The following MYO16 variants were observed in gnomAD, a reference collection of about 807,000 sequenced individuals.
MYO16 encodes unconventional myosin-XVI.
A neutral mutation model predicts 205.3 loss-of-function variants in MYO16; 94 were observed. The ratio of observed to expected loss-of-function variants is 0.46; its 90% CI spans 0.39 to 0.54. The LOEUF is 0.54. MYO16 is among the 20% of genes least tolerant of loss of function. MYO16 has a pLI of 0.00. For synonymous variants in MYO16, 988 were observed against 954.0 expected, an observed-to-expected ratio of 1.04 and a Z score of -0.66; for missense variants, 2,315 against 2,387.5, an observed-to-expected ratio of 0.97 and a Z score of 0.63.
At chr13:108,674,566 A>G (rs1231047513) in intron 2 of MYO16, among the ~76,000 whole-genome samples, 1 of 152,190 alleles carries the variant, frequency 6.6e-6, no homozygotes, top group Non-Finnish European at 1.5e-5. Flanking sequence ...TGAAAATGCG[A>G]TGCTCTATAA....
In MYO16 at chr13:109,197,436, T is replaced by C. The variant is rs547896397; in HGVS notation, c.5416-9173T>C. On this transcript the variant is annotated intron_variant, in intron 34 of 34. Coordinates refer to ENST00000457511, the MANE Select transcript of MYO16 (RefSeq NM_001198950.3). Reference sequence around the variant, plus strand: ...TTAAATGGACCCACACATTTAATACTGTGTGATAATGTTTCTCCCTTCTCT... The same window carrying C: ...TTAAATGGACCCACACATTTAATACCGTGTGATAATGTTTCTCCCTTCTCT... Among the ~76,000 whole-genome samples the C allele has an allele frequency of 2.2e-4, 34 of 152,276 alleles. No homozygotes were observed. In the South Asian group the frequency reaches 7.1e-3, roughly 32 times the overall value.
chr13:108,714,693 A>G (rs1053540503), intron 3 of MYO16, among the ~76,000 whole-genome samples: 1 of 152,088 alleles, frequency 6.6e-6, no homozygotes, highest in Non-Finnish European at 1.5e-5. Context: ...AATTAGTTGT[A>G]AAGACCACCA....
chr13:109,148,039 C>A (rs1877436227), intron 32 of MYO16, among the ~76,000 whole-genome samples: 1 of 151,964 alleles, frequency 6.6e-6, no homozygotes, highest in Non-Finnish European at 1.5e-5. Context: ...TTTCTAATTT[C>A]TTTGCCTCTC....
chr13:108,739,288 C>T (rs1884817989), intron 4 of MYO16, among the ~76,000 whole-genome samples: 1 of 152,078 alleles, frequency 6.6e-6, no homozygotes, highest in Admixed American at 6.5e-5. Context: ...TTGTTCCTTT[C>T]CATGTTTAGT....
chr13:109,116,983 A>G (rs1335944816), intron 28 of MYO16, among the ~76,000 whole-genome samples: 3 of 152,176 alleles, frequency 2.0e-5, no homozygotes, highest in East Asian at 1.9e-4. Context: ...ATAAGTTACA[A>G]TGGGCTTCTG....
chr13:108,736,684 T>G (rs1397000207), intron 4 of MYO16, among the ~76,000 whole-genome samples: 1 of 152,086 alleles, frequency 6.6e-6, no homozygotes. Context: ...CTGAAGAGAG[T>G]CATTGGTAGC....
chr13:108,719,607 C>T (rs898606072), intron 3 of MYO16, among the ~76,000 whole-genome samples: 1 of 152,140 alleles, frequency 6.6e-6, no homozygotes, highest in South Asian at 2.1e-4. Context: ...ATAGTAGTTC[C>T]TCAGTGAATA....
At chr13:108,959,721 C>T (rs1374427956) in intron 17 of MYO16, among the ~76,000 whole-genome samples, 1 of 152,184 alleles carries the variant, frequency 6.6e-6, no homozygotes, top group East Asian at 1.9e-4. Context: ...GCCTCCAGCT[C>T]TCCCGTCTAG....
At chr13:108,822,151 T>C (rs1232390347) in intron 8 of MYO16, among the ~76,000 whole-genome samples, 1 of 152,202 alleles carries the variant, frequency 6.6e-6, no homozygotes, top group Non-Finnish European at 1.5e-5. Context: ...TGTTATTTTA[T>C]GTTTCTTGAA....
chr13:108,731,714 A>G (rs1884528362), intron 4 of MYO16, among the ~76,000 whole-genome samples: 1 of 152,190 alleles, frequency 6.6e-6, no homozygotes, highest in South Asian at 2.1e-4. Flanking sequence ...CTACTAACCA[A>G]TCATCATCTT....
rs757339986 is a variant in MYO16, at chr13:109,127,518, G to A, written c.4019G>A (p.Cys1340Tyr). The stretch of plus-strand genomic sequence containing the variant: ...GCTTCCTATGAGGCTGTGAGCGCCT[G>A]CCTCTCCGCGGCCAGGGAAGCGGCC... ...LSASYEAVSACLSAAREAANE... is the reference protein window; with the variant it reads ...LSASYEAVSAYLSAAREAANE... The change falls in exon 31 of 35, where the codon TGC (cysteine) becomes TAC (tyrosine). Residue 1340 changes from cysteine to tyrosine, a missense_variant. This residue lies in a region of MYO16 where 1,097 missense variants were observed against 1,092.0 expected (regional missense o/e 1.00). Coordinates refer to ENST00000457511, the MANE Select transcript of MYO16 (RefSeq NM_001198950.3). The surrounding 1 kb of genome is among the most constrained non-coding windows in gnomAD (Gnocchi z 4.2). 1.9e-6 allele frequency: 3 copies of A among 1,612,360 alleles called. No homozygotes were observed. The highest frequency in any genetic ancestry group is 3.3e-5 in the Admixed American group (2 of 60,010).
chr13:108,990,287 T>A (rs536600457), intron 20 of MYO16, among the ~76,000 whole-genome samples: 1 of 152,062 alleles, frequency 6.6e-6, no homozygotes, highest in Non-Finnish European at 1.5e-5. Flanking sequence ...GAGGGCAGGA[T>A]GGAGAGGAGG....
At chr13:108,619,426 G>C (rs955833031) in intron 1 of MYO16, among the ~76,000 whole-genome samples, 2 of 152,082 alleles carry the variant, frequency 1.3e-5, no homozygotes, top group African/African-American at 4.8e-5. Context: ...CTTCCGATCT[G>C]TATCTTTTCT....
At chr13:109,116,133 A>C (rs72656263) in intron 28 of MYO16, among the ~76,000 whole-genome samples, 1 of 152,152 alleles carries the variant, frequency 6.6e-6, no homozygotes, top group Admixed American at 6.5e-5. Context: ...TAGTTGATTG[A>C]AGAATTTTTT....
intron 27 of MYO16, among the ~76,000 whole-genome samples, chr13:109,074,489 CAG>C (rs1888024619): frequency 6.6e-6 from 1 of 152,014 alleles, no homozygotes; most frequent in Admixed American, 6.6e-5. Flanking sequence ...TGGCAGGAGA[CAG>C]AGAGCAAGGG....
intron 16 of MYO16, among the ~76,000 whole-genome samples, chr13:108,923,112 G>A (rs1321153453): frequency 1.3e-5 from 2 of 152,146 alleles, no homozygotes; most frequent in South Asian, 2.1e-4. Context: ...ATTTTGTGGC[G>A]GTATTTGCAA....
At chr13:109,005,106 C>T (rs1885346901) in intron 21 of MYO16, among the ~76,000 whole-genome samples, 1 of 152,110 alleles carries the variant, frequency 6.6e-6, no homozygotes, top group African/African-American at 2.4e-5. Context: ...GAAGAAAATC[C>T]AGTAACCACA....
At chr13:109,131,737 C>T (rs879371668) in intron 31 of MYO16, among the ~76,000 whole-genome samples, 1 of 152,170 alleles carries the variant, frequency 6.6e-6, no homozygotes, top group Non-Finnish European at 1.5e-5. Context: ...AAGATAGGGC[C>T]TCGTTTTCAC....
intron 3 of MYO16, among the ~76,000 whole-genome samples, chr13:108,714,799 C>T (rs1026744560): frequency 1.3e-5 from 2 of 152,108 alleles, no homozygotes; most frequent in Non-Finnish European, 2.9e-5. Context: ...TTAATGAACA[C>T]ATATATCACT....
Sources: allele counts gnomAD v4.1 joint callset (sites outside exome capture counted in the v4.1 genomes callset), GRCh38; gene constraint gnomAD v4.1.1; regional missense constraint gnomAD v4.1.1; non-coding constraint Gnocchi (gnomAD v3.1); transcripts MANE v1.5; gene names NCBI Gene and HGNC (gene_info 2026-07-23, HGNC 2026-07-21).